SLC35D4: variants seen among roughly 807,000 people sequenced by gnomAD.
The protein encoded by SLC35D4 is solute carrier family 35 member D4, also known as UDP-N-acetylglucosamine transporter SLC35D4.
the SLC35D4 span, among the ~76,000 whole-genome samples, chr18:23,276,472 A>G: frequency 1.3e-5 from 2 of 149,690 alleles, no homozygotes. Flanking sequence ...GGACTGAGGG[A>G]CCTAGAGAGG....
chr18:23,407,429 AG>A, the SLC35D4 span, among the ~76,000 whole-genome samples: 1 of 152,208 alleles, frequency 6.6e-6, no homozygotes, highest in African/African-American at 2.4e-5. Context: ...TTAACAAACC[AG>A]GAAAAAACAC....
At chr18:23,374,363 C>T in the SLC35D4 span, among the ~76,000 whole-genome samples, 7 of 152,096 alleles carry the variant, frequency 4.6e-5, no homozygotes, top group Non-Finnish European at 1.0e-4. Flanking sequence ...CTGAGACAAA[C>T]CCAAATTTAG....
At chr18:23,290,683 A>G in the SLC35D4 span, among the ~76,000 whole-genome samples, 1 of 150,830 alleles carries the variant, frequency 6.6e-6, no homozygotes, top group African/African-American at 2.4e-5. Flanking sequence ...CTGGAGTGCA[A>G]TGGCGCATCC....
chr18:23,253,517 C>A, the SLC35D4 span, among the ~76,000 whole-genome samples: 2 of 152,062 alleles, frequency 1.3e-5, no homozygotes, highest in Non-Finnish European at 2.9e-5. Context: ...ATGTTTTATA[C>A]GACCTGACCA....
At chr18:23,427,273 A>G in the SLC35D4 span, among the ~76,000 whole-genome samples, 1 of 152,264 alleles carries the variant, frequency 6.6e-6, no homozygotes, top group Non-Finnish European at 1.5e-5. Flanking sequence ...TACCCATCTG[A>G]CAAACGGCTA....
chr18:23,356,552 G>A, the SLC35D4 span: 142 of 1,601,046 alleles, frequency 8.9e-5, no homozygotes, highest in African/African-American at 1.4e-3. The surrounding 1 kb of genome is among the most constrained non-coding windows in gnomAD (Gnocchi z 4.1). Flanking sequence ...AAGACACAGC[G>A]GACAGCACAG....
chr18:23,293,226 A>G, the SLC35D4 span, among the ~76,000 whole-genome samples: 1 of 152,184 alleles, frequency 6.6e-6, no homozygotes, highest in Non-Finnish European at 1.5e-5. Flanking sequence ...CCTGGGTGAC[A>G]AGAGCGAAAC....
At chr18:23,420,974 TG>T in the SLC35D4 span, among the ~76,000 whole-genome samples, 1 of 151,798 alleles carries the variant, frequency 6.6e-6, no homozygotes, top group African/African-American at 2.4e-5. Flanking sequence ...CTGGGCATGG[TG>T]GCTCACGCCT....
chr18:23,361,633 G>A, the SLC35D4 span, among the ~76,000 whole-genome samples: 1 of 152,174 alleles, frequency 6.6e-6, no homozygotes, highest in Non-Finnish European at 1.5e-5. Context: ...AGTGTCCCAG[G>A]ACTCTCTCTG....
chr18:23,245,806 A>G, the SLC35D4 span, among the ~76,000 whole-genome samples: 1 of 152,266 alleles, frequency 6.6e-6, no homozygotes, highest in Admixed American at 6.5e-5. Flanking sequence ...TCGACAGTGC[A>G]TTCAAGTGAC....
At chr18:23,396,560 G>C in the SLC35D4 span, among the ~76,000 whole-genome samples, 1 of 152,196 alleles carries the variant, frequency 6.6e-6, no homozygotes, top group African/African-American at 2.4e-5. Context: ...TTTGGTTTTT[G>C]GTTGTTTCCC....
the SLC35D4 span, among the ~76,000 whole-genome samples, chr18:23,424,957 AT>A: frequency 6.6e-6 from 1 of 152,164 alleles, no homozygotes; most frequent in Non-Finnish European, 1.5e-5. Context: ...TATAATAAAC[AT>A]TTTTTTAAAA....
chr18:23,250,822 A>C, the SLC35D4 span, among the ~76,000 whole-genome samples: 1 of 152,252 alleles, frequency 6.6e-6, no homozygotes, highest in Non-Finnish European at 1.5e-5. Flanking sequence ...CAAGTGTTCG[A>C]AAACTCTGAA....
chr18:23,290,580 C>T, the SLC35D4 span, among the ~76,000 whole-genome samples: 21 of 152,038 alleles, frequency 1.4e-4, no homozygotes, highest in Non-Finnish European at 5.9e-5. Flanking sequence ...CCATCTTTGT[C>T]TCCCTTTTCT....
chr18:23,318,146 G>A, the SLC35D4 span, among the ~76,000 whole-genome samples: 1 of 152,150 alleles, frequency 6.6e-6, no homozygotes, highest in East Asian at 1.9e-4. Flanking sequence ...GGGTGTGAAG[G>A]GATACCTCAC....
chr18:23,325,107 C>G, the SLC35D4 span, among the ~76,000 whole-genome samples: 3 of 152,024 alleles, frequency 2.0e-5, no homozygotes, highest in Non-Finnish European at 4.4e-5. Context: ...CTGGGTGCTC[C>G]CTGGCTGGGT....
At chr18:23,297,823 G>A in the SLC35D4 span, 15 of 643,608 alleles carry the variant, frequency 2.3e-5, no homozygotes, top group East Asian at 6.0e-5. Context: ...CCAGGGCCTC[G>A]GCCTCATCAG....
the SLC35D4 span, among the ~76,000 whole-genome samples, chr18:23,422,624 C>T: frequency 1.3e-5 from 2 of 152,090 alleles, no homozygotes; most frequent in African/African-American, 4.8e-5. Context: ...GCAGTCAAAG[C>T]GTTTGTCCTA....
At chr18:23,378,594 T>G in the SLC35D4 span, among the ~76,000 whole-genome samples, 448 of 152,362 alleles carry the variant, frequency 2.9e-3, 4 homozygotes, top group African/African-American at 0.01. Context: ...GTCAGTTTAA[T>G]GAAATCAGAC....
Sources: allele counts gnomAD v4.1 joint callset (sites outside exome capture counted in the v4.1 genomes callset), GRCh38; gene constraint gnomAD v4.1.1; non-coding constraint Gnocchi (gnomAD v3.1); transcripts MANE v1.5; gene names NCBI Gene and HGNC (gene_info 2026-07-23, HGNC 2026-07-21).